TUT7: variants seen among roughly 807,000 people sequenced by gnomAD.
TUT7 encodes terminal uridylyltransferase 7.
Under a neutral mutation model 165.9 loss-of-function variants are expected in TUT7, and 33 were observed. The observed-to-expected ratio is 0.20, with a 90% CI of 0.15 to 0.27. TUT7 has a LOEUF of 0.27. Among genes scored for constraint, TUT7 ranks in the 10% least tolerant of loss-of-function variants. TUT7 has a pLI of 1.00. For missense variants in TUT7, 1,338 were observed against 1,762.3 expected, an observed-to-expected ratio of 0.76 and a Z score of 4.31; for synonymous variants, 552 against 608.1, an observed-to-expected ratio of 0.91 and a Z score of 1.36.
intron 17 of TUT7, among the ~76,000 whole-genome samples, chr9:86,313,816 T>C (rs1312569582): frequency 6.6e-6 from 1 of 152,128 alleles, no homozygotes; most frequent in Non-Finnish European, 1.5e-5. Flanking sequence ...AGAGTTTGAG[T>C]TTCTTCTGAG....
intron 2 of TUT7, among the ~76,000 whole-genome samples, chr9:86,351,732 T>C (rs934405788): frequency 2.6e-5 from 4 of 152,226 alleles, no homozygotes; most frequent in Admixed American, 6.5e-5. Context: ...ATTCCCTGAA[T>C]GCATTTAAAC....
intron 10 of TUT7, among the ~76,000 whole-genome samples, chr9:86,330,355 C>T (rs1436080533): frequency 1.3e-5 from 2 of 152,172 alleles, no homozygotes; most frequent in East Asian, 1.9e-4. Context: ...CCACCATGCC[C>T]GGCCCTGTTC....
rs1831634772 is a variant in TUT7 at position 86,345,035 on chromosome 9, C to T, written c.939G>A (p.Leu313=). 1 of 1,613,386 alleles carries T rather than the reference C, an allele frequency of 6.2e-7. No individual in the cohort carries two copies. The highest frequency in any genetic ancestry group is 2.2e-5 in the East Asian group (1 of 44,810). Residue 313 remains leucine, a synonymous_variant, in exon 5 of 27, where the codon TTG becomes TTA. Transcript: ENST00000375963. ...VQEFGLHNEN[L]EQRLEIKRIM... ...TACGTTTAATTTCCAGCCTCTGTTC[C>T]AAGTTCTCATTGTGTAAGCCAAATT...
At chr9:86,326,694 A>C (rs1829825173) in intron 11 of TUT7, among the ~76,000 whole-genome samples, 1 of 152,172 alleles carries the variant, frequency 6.6e-6, no homozygotes. Flanking sequence ...AAGAGAAGGA[A>C]CTGAAGCCCC....
intron 2 of TUT7, among the ~76,000 whole-genome samples, chr9:86,351,991 T>A (rs978785365): frequency 2.0e-5 from 3 of 152,138 alleles, no homozygotes; most frequent in Non-Finnish European, 2.9e-5. Flanking sequence ...AAACATATTA[T>A]CTCCTTATTA....
chr9:86,308,652 G>T, intron 21 of TUT7, 46 bp from the exon 22 acceptor site: 2 of 1,441,094 alleles, frequency 1.4e-6, no homozygotes. Flanking sequence ...TTAGTGAAGT[G>T]TTAATATCAA....
chr9:86,293,702 A>G (rs1826063613), intron 26 of TUT7, among the ~76,000 whole-genome samples: 1 of 152,170 alleles, frequency 6.6e-6, no homozygotes, highest in African/African-American at 2.4e-5. Flanking sequence ...TCCTGATGAA[A>G]TAACTAGACA....
intron 3 of TUT7, 63 bp downstream of exon 3, chr9:86,346,232 CAATT>C (rs1245567644): frequency 1.0e-5 from 15 of 1,490,408 alleles, no homozygotes; most frequent in Non-Finnish European, 1.0e-5. Flanking sequence ...CATGCATACT[CAATT>C]AACAACAAAA....
At chr9:86,351,806 G>A (rs907136796) in intron 2 of TUT7, among the ~76,000 whole-genome samples, 7 of 152,084 alleles carry the variant, frequency 4.6e-5, no homozygotes, top group Admixed American at 1.3e-4. Context: ...ACTAAAAAAC[G>A]CTTTCAGCCA....
intron 17 of TUT7, among the ~76,000 whole-genome samples, chr9:86,315,321 A>T (rs866308087): frequency 6.6e-6 from 1 of 152,228 alleles, no homozygotes; most frequent in Non-Finnish European, 1.5e-5. Flanking sequence ...TAATCTAAAA[A>T]TGATCTGTTT....
intron 5 of TUT7, among the ~76,000 whole-genome samples, chr9:86,344,280 T>C (rs1338322590): frequency 1.3e-5 from 2 of 152,236 alleles, no homozygotes; most frequent in Admixed American, 6.5e-5. Flanking sequence ...TTCCAACCAT[T>C]TACCTAAACA....
intron 26 of TUT7, 57 bp from the exon 27 acceptor site, chr9:86,288,801 C>G: frequency 7.1e-7 from 1 of 1,403,542 alleles, no homozygotes; most frequent in Non-Finnish European, 9.9e-7. Context: ...CGCTTTATGA[C>G]AAAAGCCATA....
intron 14 of TUT7, 151 bp downstream of exon 14, chr9:86,322,174 C>A (rs7021886): frequency 0.25 from 157,828 of 633,528 alleles, 22,141 homozygotes; most frequent in East Asian, 0.53. Flanking sequence ...ACAGAACAGA[C>A]ATGACATGGA....
chr9:86,295,827 A>C (rs1242657641), intron 26 of TUT7, among the ~76,000 whole-genome samples: 1 of 47,518 alleles, frequency 2.1e-5, no homozygotes, highest in Non-Finnish European at 4.7e-5. Context: ...AAAATGGAAT[A>C]AATAAATAGA....
intron 26 of TUT7, among the ~76,000 whole-genome samples, chr9:86,300,393 CACAA>C (rs1325953254): frequency 2.0e-5 from 3 of 152,092 alleles, no homozygotes; most frequent in Admixed American, 6.6e-5. Context: ...TTATGCTGTC[CACAA>C]ACATATATAT....
chr9:86,312,149 G>A (rs942135892), intron 17 of TUT7, among the ~76,000 whole-genome samples: 49 of 151,280 alleles, frequency 3.2e-4, no homozygotes, highest in African/African-American at 1.2e-3. Context: ...GTCTCTGCCC[G>A]GCCACCATCC....
chr9:86,288,643 G>T lies in TUT7; in HGVS notation c.*34C>A. Reference sequence around the variant, plus strand: ...ATTTTCCGAGTGAATAGGAACGCCTGAGTGGCCATTTAGAGTGCTGCATTT... The same window carrying T: ...ATTTTCCGAGTGAATAGGAACGCCTTAGTGGCCATTTAGAGTGCTGCATTT... On this transcript the variant is annotated 3_prime_UTR_variant, in exon 27 of 27. Coordinates refer to ENST00000375963, the MANE Select transcript of TUT7 (RefSeq NM_024617.4). 6.4e-7 allele frequency: 1 copy of T among 1,573,436 alleles called. No homozygotes were observed. The highest frequency in any genetic ancestry group is 1.1e-5 in the South Asian group (1 of 90,006).
chr9:86,313,171 G>T (rs1828385078), intron 17 of TUT7, among the ~76,000 whole-genome samples: 1 of 139,184 alleles, frequency 7.2e-6, no homozygotes, highest in East Asian at 2.2e-4. Context: ...TAAATAAAAA[G>T]AATTATCCTT....
In TUT7 at chr9:86,309,140, GA is replaced by G; in HGVS notation, c.3660+71del. On this transcript the variant is annotated intron_variant, in intron 21 of 26. Coordinates refer to ENST00000375963, the MANE Select transcript of TUT7 (RefSeq NM_024617.4). Reference sequence around the variant, plus strand: ...TACAACAAGCAATAAAATAGTTGTTGAACATCTACACTGTAGTATAGCTAAT... The same window carrying G: ...TACAACAAGCAATAAAATAGTTGTTGACATCTACACTGTAGTATAGCTAAT... 5.7e-6 allele frequency: 5 copies of G among 869,826 alleles called. No individual in the cohort carries two copies. The South Asian group carries it at 7.7e-5, about 13-fold the overall frequency. 53.9% of individuals were successfully genotyped at this position (869,826 alleles called of 1,614,324 possible).
Sources: gnomAD v4.1 joint callset for allele counts (sites outside exome capture counted in the v4.1 genomes callset) on GRCh38, gnomAD v4.1.1 for gene constraint, MANE v1.5 for transcripts, NCBI Gene and HGNC (gene_info 2026-07-23, HGNC 2026-07-21) for gene names.